Variants in GLYATL3 observed in about 807,000 individuals in gnomAD.
GLYATL3 encodes the protein glycine N-acyltransferase-like protein 3.
In GLYATL3, 31 loss-of-function variants were observed where a neutral mutation model predicts 28.5. That is an observed-to-expected ratio of 1.09 (90% CI 0.82 to 1.47). The LOEUF is 1.47. Ranked by LOEUF, GLYATL3 falls within the 40% of genes most tolerant of loss-of-function variation. The pLI is 0.00. For synonymous variants in GLYATL3, 141 were observed against 140.2 expected (o/e 1.01, Z -0.04); for missense variants, 369 against 351.5 (o/e 1.05, Z -0.40).
rs2127242277 is a variant in GLYATL3, at chr6:49,527,007, G to A, written c.*93G>A. The A allele has an allele frequency of 1.1e-6, 1 of 939,830 alleles. No homozygotes were observed. Among genetic ancestry groups the A allele is most frequent in the Non-Finnish European group, 1.5e-6 (1 of 645,432 alleles). 58.2% of individuals were successfully genotyped at this position (939,830 alleles called of 1,614,324 possible). On this transcript the variant is annotated 3_prime_UTR_variant, in exon 6 of 6. Coordinates refer to ENST00000371197, the MANE Select transcript of GLYATL3 (RefSeq NM_001010904.2). ...GGGGAGAGTTAAAATGGGAATCAGG[G>A]GACTCTTGAGTTGTTGGAAAGGGTC...
At chr6:49,513,908 C>T (rs1454655876) in intron 2 of GLYATL3, among the ~76,000 whole-genome samples, 1 of 152,098 alleles carries the variant, frequency 6.6e-6, no homozygotes, top group African/African-American at 2.4e-5. Context: ...AGTTCAAGGC[C>T]AGCAAGGTCC....
intron 2 of GLYATL3, 33 bp downstream of exon 2, chr6:49,512,101 T>C: frequency 1.0e-6 from 1 of 970,490 alleles, no homozygotes; most frequent in Non-Finnish European, 1.6e-6. Context: ...ATTTTATTTC[T>C]TTATTGTGTT....
intron 4 of GLYATL3, among the ~76,000 whole-genome samples, chr6:49,519,987 C>G (rs1769285396): frequency 6.6e-6 from 1 of 152,122 alleles, no homozygotes; most frequent in African/African-American, 2.4e-5. Context: ...TAATAAATGT[C>G]CTGAATTCTG....
rs542630109 is a variant in GLYATL3 at position 49,521,679 on chromosome 6, G to A, written c.348G>A (p.Ala116=). ...LQSELYDVSK[A]VANSKQLNIK... ...GTGAGTTATATGATGTTTCCAAAGC[G>A]GTTGCCAATTCAAAGCAGTTGAATA... The change falls in exon 5 of 6, where the codon GCG becomes GCA. Residue 116 remains alanine (A), a synonymous_variant. Coordinates refer to ENST00000371197, the MANE Select transcript of GLYATL3 (RefSeq NM_001010904.2). The A allele has an allele frequency of 8.9e-5, 138 of 1,550,374 alleles. 1 individual carries two copies. The South Asian group carries it at 1.1e-3, about 13-fold the overall frequency.
At chr6:49,509,976 TTC>T (rs1285837099) in intron 1 of GLYATL3, among the ~76,000 whole-genome samples, 1 of 148,354 alleles carries the variant, frequency 6.7e-6, no homozygotes, top group Non-Finnish European at 1.5e-5. Flanking sequence ...CTTTCTTTCT[TTC>T]TTTCTTTCTT....
intron 1 of GLYATL3, among the ~76,000 whole-genome samples, chr6:49,504,284 G>A (rs1044062862): frequency 3.0e-5 from 4 of 131,414 alleles, no homozygotes; most frequent in Non-Finnish European, 4.9e-5. Context: ...GTTTTTTGCT[G>A]TGGTGTTTTT....
chr6:49,517,615 C>G (rs1159157768), intron 4 of GLYATL3, 59 bp downstream of exon 4: 35 of 1,271,254 alleles, frequency 2.8e-5, no homozygotes, highest in Non-Finnish European at 3.5e-5. Context: ...TAGCATATAT[C>G]CAGATAGTTA....
intron 4 of GLYATL3, among the ~76,000 whole-genome samples, chr6:49,518,742 C>G (rs886824579): frequency 3.3e-5 from 5 of 151,948 alleles, no homozygotes; most frequent in Admixed American, 6.6e-5. Context: ...AGATTGAGAC[C>G]ATTCTGGCTA....
At position 49,525,528 on chromosome 6, in the gene GLYATL3, C is replaced by CT. The variant is rs1172639646; in HGVS notation, c.441-960_441-959insT. Among the ~76,000 whole-genome samples the CT allele has an allele frequency of 2.5e-5, 3 of 122,252 alleles. No individual in the cohort carries two copies. The East Asian group carries it at 7.8e-4, about 32-fold the overall frequency. 80.2% of individuals were successfully genotyped at this position (122,252 alleles called of 152,430 possible). The stretch of plus-strand genomic sequence containing the variant: ...GCAGTGAGCCGAGATTGCACCACCG[C>CT]AACTCCAAACTGAGAGACAGAGCAA... On this transcript the variant is annotated intron_variant, in intron 5 of 5. Coordinates refer to ENST00000371197, the MANE Select transcript of GLYATL3 (RefSeq NM_001010904.2).
rs774972617 is a variant in GLYATL3, at chr6:49,521,762, C to A, written c.431C>A (p.Thr144Asn). 3 of 1,550,992 alleles carry A rather than the reference C, an allele frequency of 1.9e-6. No individual in the cohort carries two copies. The highest frequency in any genetic ancestry group is 2.4e-5 in the South Asian group (2 of 84,020). Residue 144 changes from threonine (T) to asparagine (N), a missense_variant, in exon 5 of 6, where the codon ACC (threonine) becomes AAC (asparagine). Thr to Asn is a moderately conservative substitution (Grantham distance 65). Transcript: ENST00000371197. ...HFSPVSSLPD[T>N]SFLKGPSPRL... ...TCTCCTGTTTCATCTCTGCCAGATA[C>A]CAGTTTCCTGTATGTAAACCAAGTT... is the stretch of plus-strand genomic sequence containing the variant.
chr6:49,514,666 A>AT (rs1769181249), intron 2 of GLYATL3, among the ~76,000 whole-genome samples: 3 of 120,064 alleles, frequency 2.5e-5, no homozygotes, highest in African/African-American at 9.3e-5. Flanking sequence ...CCGCATCTCT[A>AT]CAAAAAAAAT....
Position 49,511,974 on chromosome 6 carries a change from C to T in GLYATL3, c.-17C>T. ...AAGTTTCTAATTAGGTGTGGAGTTG[C>T]AAGAGCTCTGGAAAAGATGTTGGTG... On this transcript the variant is annotated 5_prime_UTR_variant, in exon 2 of 6. Coordinates refer to ENST00000371197, the MANE Select transcript of GLYATL3 (RefSeq NM_001010904.2). 1 of 1,371,134 alleles carries T rather than the reference C, an allele frequency of 7.3e-7. No individual in the cohort carries two copies. The highest frequency in any genetic ancestry group is 1.0e-6 in the Non-Finnish European group (1 of 996,486). 84.9% of individuals were successfully genotyped at this position (1,371,134 alleles called of 1,614,324 possible). A position where few individuals can be genotyped will look rare whatever the true frequency, so the allele number is the denominator to read the frequency against.
At chr6:49,505,281 A>G (rs192068425) in intron 1 of GLYATL3, among the ~76,000 whole-genome samples, 2 of 152,332 alleles carry the variant, frequency 1.3e-5, no homozygotes, top group Non-Finnish European at 2.9e-5. Context: ...AGGAAAATAG[A>G]TTAGTGTCAG....
intron 4 of GLYATL3, among the ~76,000 whole-genome samples, chr6:49,519,231 A>G (rs1416458695): frequency 6.6e-6 from 1 of 152,078 alleles, no homozygotes; most frequent in Non-Finnish European, 1.5e-5. Flanking sequence ...ATATAGAAAA[A>G]AGTTATATAA....
At chr6:49,508,900 C>G (rs1045311709) in intron 1 of GLYATL3, among the ~76,000 whole-genome samples, 1 of 152,068 alleles carries the variant, frequency 6.6e-6, no homozygotes, top group Non-Finnish European at 1.5e-5. Context: ...TTGCTTGAAC[C>G]TGGGAGGTGG....
chr6:49,503,524 CAT>C (rs895544674), intron 1 of GLYATL3, among the ~76,000 whole-genome samples: 35 of 152,156 alleles, frequency 2.3e-4, no homozygotes, highest in African/African-American at 8.4e-4. Flanking sequence ...TAAGTAATAT[CAT>C]AGAGAAAGTG....
At chr6:49,525,427 G>A (rs903827617) in intron 5 of GLYATL3, among the ~76,000 whole-genome samples, 1 of 151,640 alleles carries the variant, frequency 6.6e-6, no homozygotes, top group Non-Finnish European at 1.5e-5. Context: ...TTAGCCAGGC[G>A]TGGTGGCACA....
Position 49,511,675 on chromosome 6 carries a change from C to A in GLYATL3, c.-28-288C>A, listed in dbSNP as rs190041716. Among the ~76,000 whole-genome samples the A allele has an allele frequency of 1.1e-3, 162 of 152,258 alleles. 2 individuals carry two copies. Among genetic ancestry groups the A allele is most frequent in the African/African-American group, 3.8e-3 (158 of 41,554 alleles). The stretch of plus-strand genomic sequence containing the variant: ...TAAAACACAAATAAATACAAAATTA[C>A]AACTGTTATACATGCTCTGAAGACA... On this transcript the variant is annotated intron_variant, in intron 1 of 5. Coordinates refer to ENST00000371197, the MANE Select transcript of GLYATL3 (RefSeq NM_001010904.2).
At chr6:49,509,974 C>CT (rs1207781803) in intron 1 of GLYATL3, among the ~76,000 whole-genome samples, 1 of 142,540 alleles carries the variant, frequency 7.0e-6, no homozygotes, top group African/African-American at 2.6e-5. Context: ...TTCTTTCTTT[C>CT]TTTCTTTCTT....
Sources: gnomAD v4.1 joint callset for allele counts (sites outside exome capture counted in the v4.1 genomes callset) on GRCh38, gnomAD v4.1.1 for gene constraint, MANE v1.5 for transcripts, NCBI Gene and HGNC (gene_info 2026-07-23, HGNC 2026-07-21) for gene names.